The following ROBO1 variants were observed in gnomAD, a reference collection of about 807,000 sequenced individuals.
ROBO1 encodes roundabout guidance receptor 1, also known as roundabout homolog 1.
ROBO1 carries 149 observed loss-of-function variants against 195.9 expected under a neutral mutation model. The observed-to-expected ratio is 0.76, with a 90% confidence interval of 0.67 to 0.87. The LOEUF (loss-of-function observed/expected upper bound fraction) is 0.87, where lower values mean the gene tolerates loss of function less well. Among genes scored for constraint, ROBO1 ranks in the 40% least tolerant of loss-of-function variants. ROBO1 has a pLI of 0.00. For synonymous variants in ROBO1, 816 were observed against 733.2 expected (o/e 1.11, Z -1.82); for missense variants, 1,933 against 2,068.3 (o/e 0.93, Z 1.27).
At chr3:79,204,907 TG>T (rs1165947174) in intron 2 of ROBO1, among the ~76,000 whole-genome samples, 1 of 152,088 alleles carries the variant, frequency 6.6e-6, no homozygotes, top group Non-Finnish European at 1.5e-5. Flanking sequence ...TTTTTGTTTT[TG>T]TTTTTGTTTT....
At chr3:79,564,860 G>T (rs1044306454) in intron 2 of ROBO1, among the ~76,000 whole-genome samples, 1 of 152,018 alleles carries the variant, frequency 6.6e-6, no homozygotes, top group African/African-American at 2.4e-5. Context: ...AAAGAAGAAT[G>T]TCTTGATAAT....
intron 3 of ROBO1, among the ~76,000 whole-genome samples, chr3:79,096,765 T>C (rs1272167148): frequency 6.6e-6 from 1 of 151,060 alleles, no homozygotes; most frequent in Non-Finnish European, 1.5e-5. Flanking sequence ...TATGTATATG[T>C]ATATGTCCAA....
intron 3 of ROBO1, among the ~76,000 whole-genome samples, chr3:79,104,233 C>T (rs889524769): frequency 1.3e-5 from 2 of 151,628 alleles, no homozygotes; most frequent in African/African-American, 4.8e-5. Flanking sequence ...CTTTCATAGT[C>T]GTGTTACTAC....
chr3:79,170,918 T>C (rs2081153849), intron 2 of ROBO1, among the ~76,000 whole-genome samples: 1 of 152,006 alleles, frequency 6.6e-6, no homozygotes, highest in Admixed American at 6.6e-5. Flanking sequence ...ACTTTATATA[T>C]ACCTTTCCTT....
Position 79,146,985 on chromosome 3 carries a change from A to C in ROBO1, c.89-21446T>G, listed in dbSNP as rs374035561. 3.0e-4 allele frequency among the ~76,000 whole-genome samples: 45 copies of C among 152,042 alleles called. 1 individual carries two copies. The Middle Eastern group carries it at 0.01, about 34-fold the overall frequency. ...CTAAAAGGTAGGAAGAAATACTGAA[A>C]TTGGTTTTAGAAAGATATGCAAATA... On this transcript the variant is annotated intron_variant, in intron 2 of 30. Transcript: ENST00000464233.
At chr3:79,462,221 G>A (rs950670439) in intron 2 of ROBO1, among the ~76,000 whole-genome samples, 2 of 152,072 alleles carry the variant, frequency 1.3e-5, no homozygotes, top group African/African-American at 4.8e-5. Context: ...TGTCATTTCT[G>A]TCCTACTGTG....
intron 4 of ROBO1, among the ~76,000 whole-genome samples, chr3:78,865,574 C>G (rs1052132427): frequency 6.6e-6 from 1 of 150,664 alleles, no homozygotes; most frequent in African/African-American, 2.4e-5. Flanking sequence ...CAGGTTCAAG[C>G]GATTCTCCTG....
intron 2 of ROBO1, among the ~76,000 whole-genome samples, chr3:79,428,642 G>C (rs1161495317): frequency 6.6e-6 from 1 of 152,092 alleles, no homozygotes; most frequent in Non-Finnish European, 1.5e-5. Context: ...TTTTACCCAA[G>C]AGAAAAGGAA....
At chr3:79,714,097 A>T (rs547345713) in intron 1 of ROBO1, among the ~76,000 whole-genome samples, 75 of 152,238 alleles carry the variant, frequency 4.9e-4, no homozygotes, top group Middle Eastern at 3.4e-3. Context: ...CAACCTACTC[A>T]TCTGACAAAG....
At chr3:79,029,398 T>A (rs551782191) in intron 3 of ROBO1, among the ~76,000 whole-genome samples, 12 of 152,314 alleles carry the variant, frequency 7.9e-5, no homozygotes, top group African/African-American at 2.2e-4. Context: ...GATATTTATC[T>A]GGAAAACCCA....
intron 2 of ROBO1, among the ~76,000 whole-genome samples, chr3:79,322,086 A>G (rs955727402): frequency 2.6e-5 from 4 of 152,314 alleles, no homozygotes; most frequent in Admixed American, 2.6e-4. Context: ...GATAATTTGC[A>G]TAGAATTTGA....
rs974854346 is a variant in ROBO1 at position 78,598,808 on chromosome 3, C to T, written c.*105G>A. 1.5e-6 allele frequency: 1 copy of T among 671,618 alleles called. No individual in the cohort carries two copies. Among genetic ancestry groups the T allele is most frequent in the Non-Finnish European group, 2.5e-6 (1 of 397,348 alleles). 41.6% of individuals were successfully genotyped at this position (671,618 alleles called of 1,614,324 possible). A position where few individuals can be genotyped will look rare whatever the true frequency, so the allele number is the denominator to read the frequency against. On this transcript the variant is annotated 3_prime_UTR_variant, in exon 31 of 31. Coordinates refer to ENST00000464233, the MANE Select transcript of ROBO1 (RefSeq NM_002941.4). ...AGAGGAATAAAAACGACAATTTGTACACTCTGATTGCACTGAACATTTTAT... is the reference window on the plus strand; with the variant it reads ...AGAGGAATAAAAACGACAATTTGTATACTCTGATTGCACTGAACATTTTAT...
intron 2 of ROBO1, among the ~76,000 whole-genome samples, chr3:79,576,118 T>G (rs562030951): frequency 1.3e-5 from 2 of 151,966 alleles, no homozygotes; most frequent in Admixed American, 1.3e-4. Context: ...ACATTATACA[T>G]TGAATAGTCT....
chr3:79,701,279 T>C lies in ROBO1; in HGVS notation c.-51+66473A>G, dbSNP rs534455920. Among the ~76,000 whole-genome samples, 20 of 152,024 alleles carry C rather than the reference T, an allele frequency of 1.3e-4. No homozygotes were observed. The South Asian group carries it at 3.9e-3, about 30-fold the overall frequency. On this transcript the variant is annotated intron_variant, in intron 1 of 30. Transcript: ENST00000464233. ...ATGCAATGCCTCCAGGTTTGTTCTT[T>C]TTTGTTTAGGATTGCTTTGGGTATT...
chr3:78,598,977 T>A (rs1261196626), intron 30 of ROBO1, 50 bp from the exon 31 acceptor site: 6 of 1,174,144 alleles, frequency 5.1e-6, no homozygotes, highest in Non-Finnish European at 7.3e-6. Flanking sequence ...TTAAGAGGAT[T>A]GTGTTATATT....
At chr3:79,557,157 A>T (rs115525613) in intron 2 of ROBO1, among the ~76,000 whole-genome samples, 2,912 of 151,986 alleles carry the variant, frequency 0.019, 110 homozygotes, top group African/African-American at 0.066. Flanking sequence ...GTTTAAAATT[A>T]TTAAATTAAT....
intron 2 of ROBO1, among the ~76,000 whole-genome samples, chr3:79,158,896 CA>C (rs1474679723): frequency 1.3e-5 from 2 of 151,774 alleles, no homozygotes; most frequent in East Asian, 3.9e-4. Flanking sequence ...AAGTAGTCTC[CA>C]CATTTAAAAC....
At chr3:79,360,930 C>T (rs913911675) in intron 2 of ROBO1, among the ~76,000 whole-genome samples, 1 of 152,040 alleles carries the variant, frequency 6.6e-6, no homozygotes, top group Non-Finnish European at 1.5e-5. Flanking sequence ...GCCATGCTCA[C>T]CTCAATAGTT....
At chr3:79,489,819 C>G (rs1939361217) in intron 2 of ROBO1, among the ~76,000 whole-genome samples, 1 of 152,122 alleles carries the variant, frequency 6.6e-6, no homozygotes, top group Non-Finnish European at 1.5e-5. Context: ...ATTTTCCTCA[C>G]CCACCATTTT....
Sources: allele counts gnomAD v4.1 joint callset (sites outside exome capture counted in the v4.1 genomes callset), GRCh38; gene constraint gnomAD v4.1.1; transcripts MANE v1.5; gene names NCBI Gene and HGNC (gene_info 2026-07-23, HGNC 2026-07-21).